Variants in RHOBTB3 observed in about 807,000 individuals in gnomAD.
The protein encoded by RHOBTB3 is rho-related BTB domain-containing protein 3.
A neutral mutation model predicts 67.2 loss-of-function variants in RHOBTB3; 47 were observed. That is an observed-to-expected ratio of 0.70 (90% CI 0.55 to 0.89). The LOEUF (loss-of-function observed/expected upper bound fraction) is 0.89. RHOBTB3 is among the 40% of genes least tolerant of loss of function. RHOBTB3 has a pLI of 0.00. For synonymous variants in RHOBTB3, 273 were observed against 274.2 expected (o/e 1.00, Z 0.04); for missense variants, 631 against 750.0 (o/e 0.84, Z 1.85).
rs535040072 is a variant in RHOBTB3, at chr5:95,735,840, C to A, written c.229-1049C>A. The stretch of plus-strand genomic sequence containing the variant: ...CCCAGGCCAGGCACGGTGGCTCATG[C>A]CTGTAATCCTCACACTTTGGGAGAC... On this transcript the variant is annotated intron_variant, in intron 2 of 11. Coordinates refer to ENST00000379982, the MANE Select transcript of RHOBTB3 (RefSeq NM_014899.4). 5.1e-4 allele frequency among the ~76,000 whole-genome samples: 78 copies of A among 152,274 alleles called. 1 individual carries two copies. In the Middle Eastern group the frequency reaches 0.017, roughly 33 times the overall value.
rs1179792898 is a variant in RHOBTB3, at chr5:95,793,210, A to G, written c.*36A>G. ...TTATACACTACATTTCTTTTTTATT[A>G]TTATGAAGAATGGGATACCTCCAGG... On this transcript the variant is annotated 3_prime_UTR_variant, in exon 12 of 12. Coordinates refer to ENST00000379982, the MANE Select transcript of RHOBTB3 (RefSeq NM_014899.4). 1.5e-6 allele frequency: 2 copies of G among 1,339,108 alleles called. No homozygotes were observed. The allele number at this position is 1,339,108 out of a possible 1,614,324, so 83.0% of individuals were successfully genotyped here. A position where few individuals can be genotyped will look rare whatever the true frequency, so the allele number is the denominator to read the frequency against.
At chr5:95,728,328 G>C (rs1755119808), upstream of RHOBTB3, among the ~76,000 whole-genome samples, 1 of 152,168 alleles carries the variant, frequency 6.6e-6, no homozygotes, top group African/African-American at 2.4e-5. Context: ...CCTAAGACAA[G>C]CCATGATCTT....
intron 8 of RHOBTB3, among the ~76,000 whole-genome samples, chr5:95,776,718 G>A (rs1211467284): frequency 6.6e-6 from 1 of 152,156 alleles, no homozygotes; most frequent in Admixed American, 6.5e-5. Flanking sequence ...TACTATGTAG[G>A]TTTGGCTATG....
upstream of RHOBTB3, chr5:95,731,080 C>T: frequency 4.6e-6 from 5 of 1,082,188 alleles, no homozygotes; most frequent in Non-Finnish European, 4.6e-6. Flanking sequence ...TTGCTGCAGG[C>T]GGATTGGCGG....
chr5:95,775,275 T>G lies in RHOBTB3; in HGVS notation c.1283-4977T>G, dbSNP rs187765826. Among the ~76,000 whole-genome samples, 37 of 152,000 alleles carry G rather than the reference T, an allele frequency of 2.4e-4. No individual in the cohort carries two copies. In the East Asian group the frequency reaches 6.6e-3, roughly 27 times the overall value. ...GCCCTAAAATCCACGATTTTTTGAG[T>G]GCTGATGTGGTGCTCAAAGAAAATG... On this transcript the variant is annotated intron_variant, in intron 8 of 11. Transcript: ENST00000379982.
intron 3 of RHOBTB3, among the ~76,000 whole-genome samples, chr5:95,737,877 T>G (rs980372585): frequency 1.3e-5 from 2 of 152,178 alleles, no homozygotes; most frequent in Non-Finnish European, 2.9e-5. Flanking sequence ...CTCTTCCCAG[T>G]TAATAACGCT....
chr5:95,787,480 GTTT>G (rs980557611), intron 10 of RHOBTB3, among the ~76,000 whole-genome samples: 1 of 150,456 alleles, frequency 6.6e-6, no homozygotes, highest in Non-Finnish European at 1.5e-5. Context: ...ATATCCTTGA[GTTT>G]TTTTATTAAG....
At chr5:95,728,605 C>T (rs534160330), upstream of RHOBTB3, among the ~76,000 whole-genome samples, 5 of 152,268 alleles carry the variant, frequency 3.3e-5, no homozygotes, top group South Asian at 6.2e-4. Flanking sequence ...GGTCTAGGAA[C>T]TAGAATGTTT....
chr5:95,732,124 C>T (rs1295735846), intron 2 of RHOBTB3, 40 bp downstream of exon 2: 2 of 1,582,002 alleles, frequency 1.3e-6, no homozygotes, highest in Admixed American at 3.4e-5. Context: ...GCTGAAGAAG[C>T]TTTTCTTTCC....
intron 8 of RHOBTB3, chr5:95,769,786 T>G (rs1251721159): frequency 5.2e-6 from 1 of 193,668 alleles, no homozygotes; most frequent in Non-Finnish European, 1.1e-5. Context: ...GAAACAGAAA[T>G]GTCTAGTGCC....
chr5:95,726,029 A>G (rs1198991860), upstream of RHOBTB3, among the ~76,000 whole-genome samples: 2 of 152,230 alleles, frequency 1.3e-5, no homozygotes, highest in Non-Finnish European at 2.9e-5. Flanking sequence ...TTGGAACACA[A>G]TGTAGTAAAT....
chr5:95,736,760 C>G (rs1755462546), intron 2 of RHOBTB3, 129 bp from the exon 3 acceptor site: 2 of 618,616 alleles, frequency 3.2e-6, no homozygotes, highest in African/African-American at 3.8e-5. Context: ...GACTGCAACA[C>G]TTTTAATTTC....
chr5:95,730,842 T>C (rs1314581942), upstream of RHOBTB3: 2 of 453,256 alleles, frequency 4.4e-6, no homozygotes, highest in East Asian at 1.4e-4. Context: ...CTCACAAGTA[T>C]GATTTTAGAA....
At chr5:95,744,406 A>G (rs1468977316) in intron 3 of RHOBTB3, among the ~76,000 whole-genome samples, 1 of 152,072 alleles carries the variant, frequency 6.6e-6, no homozygotes, top group Non-Finnish European at 1.5e-5. Context: ...TTATTATGTT[A>G]TATTATAACT....
chr5:95,733,874 A>G (rs1755379527), intron 2 of RHOBTB3, among the ~76,000 whole-genome samples: 1 of 152,224 alleles, frequency 6.6e-6, no homozygotes, highest in African/African-American at 2.4e-5. Flanking sequence ...AGCAGAGCAG[A>G]TAGAGCATAG....
intron 10 of RHOBTB3, among the ~76,000 whole-genome samples, chr5:95,784,521 G>A (rs183952082): frequency 6.0e-4 from 91 of 152,204 alleles, no homozygotes; most frequent in African/African-American, 1.9e-3. Context: ...TGCCGTATGT[G>A]TACATGCTTC....
intron 8 of RHOBTB3, chr5:95,769,028 C>G (rs1050175525): frequency 3.6e-6 from 1 of 276,548 alleles, no homozygotes; most frequent in South Asian, 4.4e-5. Flanking sequence ...TTTCCGCAGA[C>G]GAGACCAGGT....
Position 95,795,614 on chromosome 5 carries a change from G to A in RHOBTB3, c.*2440G>A, listed in dbSNP as rs1412453548. ...TGGAGTGTGTAGTTTTGTTATGAAA[G>A]TTCTCTACCACCTACCTGTGTGAGT... On this transcript the variant is annotated 3_prime_UTR_variant, in exon 12 of 12. Coordinates refer to ENST00000379982, the MANE Select transcript of RHOBTB3 (RefSeq NM_014899.4). 6.6e-6 allele frequency: 1 copy of A among 152,192 alleles called. No homozygotes were observed. Among genetic ancestry groups the A allele is most frequent in the African/African-American group, 2.4e-5 (1 of 41,452 alleles). 9.4% of individuals were successfully genotyped at this position (152,192 alleles called of 1,614,324 possible).
In RHOBTB3 at chr5:95,763,542, C is replaced by G. The variant is rs1242884157; in HGVS notation, c.1083C>G (p.Ile361Met). 6.2e-7 allele frequency: 1 copy of G among 1,611,900 alleles called. No homozygotes were observed. The highest frequency in any genetic ancestry group is 8.5e-7 in the Non-Finnish European group (1 of 1,178,676). The change falls in exon 7 of 12, where the codon ATC (isoleucine) becomes ATG (methionine). Residue 361 changes from isoleucine (I) to methionine (M), a missense_variant. Ile to Met is a conservative substitution (Grantham distance 10). Coordinates refer to ENST00000379982, the MANE Select transcript of RHOBTB3 (RefSeq NM_014899.4). The stretch of plus-strand genomic sequence containing the variant: ...AGTGGGAAGAATTGGAAGAAGATAT[C>G]AGGAAGAAGTTGAAAGATTCTGGGG... ...AFQWEELEED[I>M]RKKLKDSGDV...
Sources: allele counts gnomAD v4.1 joint callset (sites outside exome capture counted in the v4.1 genomes callset), GRCh38; gene constraint gnomAD v4.1.1; transcripts MANE v1.5; gene names NCBI Gene and HGNC (gene_info 2026-07-23, HGNC 2026-07-21).